Variants in LRRTM4 observed in about 807,000 individuals in gnomAD.
LRRTM4 encodes leucine rich repeat transmembrane neuronal 4, also known as leucine-rich repeat transmembrane neuronal protein 4.
A neutral mutation model predicts 47.6 loss-of-function variants in LRRTM4; 25 were observed. The ratio of observed to expected loss-of-function variants is 0.53; its 90% CI spans 0.38 to 0.73. The LOEUF (loss-of-function observed/expected upper bound fraction) is 0.73. Ranked by LOEUF, LRRTM4 falls within the 30% of genes least tolerant of loss-of-function variation. The pLI is 0.00. For synonymous variants in LRRTM4, 311 were observed against 269.5 expected (o/e 1.15, Z -1.51); for missense variants, 638 against 713.4 (o/e 0.89, Z 1.20).
chr2:76,849,490 A>G (rs1489776921), intron 3 of LRRTM4, among the ~76,000 whole-genome samples: 2 of 152,096 alleles, frequency 1.3e-5, no homozygotes, highest in Non-Finnish European at 2.9e-5. Flanking sequence ...ACAAATTGTC[A>G]AAAATAAATT....
intron 3 of LRRTM4, among the ~76,000 whole-genome samples, chr2:76,807,846 G>A (rs1670579840): frequency 6.6e-6 from 1 of 151,794 alleles, no homozygotes; most frequent in African/African-American, 2.4e-5. Flanking sequence ...CTCCCAAAGT[G>A]CTGGGATTAC....
intron 3 of LRRTM4, among the ~76,000 whole-genome samples, chr2:77,368,615 T>G (rs1357867352): frequency 2.0e-5 from 3 of 151,822 alleles, no homozygotes; most frequent in Admixed American, 6.6e-5. Context: ...TTGAAAACAT[T>G]ATTTTGCATT....
intron 3 of LRRTM4, among the ~76,000 whole-genome samples, chr2:77,091,671 C>G (rs62172164): frequency 6.9e-3 from 991 of 142,716 alleles, no homozygotes; most frequent in East Asian, 0.023. Flanking sequence ...AGCCTCTCTT[C>G]GCTTTCACTT....
rs148954154 is a variant in LRRTM4 at position 76,901,034 on chromosome 2, G to A, written c.1552-152118C>T. On this transcript the variant is annotated intron_variant, in intron 3 of 3. Coordinates refer to ENST00000409884, the MANE Select transcript of LRRTM4 (RefSeq NM_001134745.3). ...AAGCAGAAGTCCAATGAGAAAAATT[G>A]TTTTTTTAATTTGTATTTTTATTTT... Among the ~76,000 whole-genome samples, 402 of 152,128 alleles carry A rather than the reference G, an allele frequency of 2.6e-3. 5 individuals carry two copies. The highest frequency in any genetic ancestry group is 9.5e-3 in the African/African-American group (394 of 41,506).
intron 3 of LRRTM4, among the ~76,000 whole-genome samples, chr2:77,205,756 G>A (rs1452895580): frequency 6.6e-6 from 1 of 152,156 alleles, no homozygotes; most frequent in Non-Finnish European, 1.5e-5. Flanking sequence ...TGAGGAGAAT[G>A]TACCCATTAT....
chr2:77,188,582 T>G (rs1317232553), intron 3 of LRRTM4, among the ~76,000 whole-genome samples: 7 of 152,278 alleles, frequency 4.6e-5, no homozygotes, highest in African/African-American at 1.7e-4. Context: ...GCATCTTCCT[T>G]TAGATGCTTC....
chr2:77,333,114 C>T (rs1035487591), intron 3 of LRRTM4, among the ~76,000 whole-genome samples: 1 of 152,182 alleles, frequency 6.6e-6, no homozygotes, highest in Non-Finnish European at 1.5e-5. Context: ...TGCCTTTCAC[C>T]TTCTGCCATT....
At chr2:76,999,481 A>G (rs545097489) in intron 3 of LRRTM4, among the ~76,000 whole-genome samples, 2 of 152,140 alleles carry the variant, frequency 1.3e-5, no homozygotes, top group South Asian at 2.1e-4. Context: ...GGAGTTTGCA[A>G]ATGATCATGT....
At position 77,018,945 on chromosome 2, in the gene LRRTM4, T is replaced by A. The variant is rs572259587; in HGVS notation, c.1552-270029A>T. Among the ~76,000 whole-genome samples, 3 of 152,254 alleles carry A rather than the reference T, an allele frequency of 2.0e-5. No individual in the cohort carries two copies. The East Asian group carries it at 5.8e-4, about 29-fold the overall frequency. On this transcript the variant is annotated intron_variant, in intron 3 of 3. Transcript: ENST00000409884. ...TAATGCATAATTTCATTAAATATTT[T>A]AAATTCTGATTATTTTCATTTAGCC...
At chr2:76,801,657 A>C (rs1407975974) in intron 3 of LRRTM4, among the ~76,000 whole-genome samples, 1 of 151,912 alleles carries the variant, frequency 6.6e-6, no homozygotes, top group African/African-American at 2.4e-5. Flanking sequence ...TAAAACTTAA[A>C]GTATAATAAA....
rs184369047 is a variant in LRRTM4, at chr2:77,209,590, T to C, written c.1551+308728A>G. Reference sequence around the variant, plus strand: ...ATGTTACAATTCAAATAAAAATTCATTTGTTGGAACACTCACACATGTTGT... The same window carrying C: ...ATGTTACAATTCAAATAAAAATTCACTTGTTGGAACACTCACACATGTTGT... On this transcript the variant is annotated intron_variant, in intron 3 of 3. Transcript: ENST00000409884. Among the ~76,000 whole-genome samples, 398 of 152,328 alleles carry C rather than the reference T, an allele frequency of 2.6e-3. 5 individuals carry two copies. Among genetic ancestry groups the C allele is most frequent in the Middle Eastern group, 6.8e-3 (2 of 294 alleles).
intron 3 of LRRTM4, among the ~76,000 whole-genome samples, chr2:76,943,428 C>G (rs1337985017): frequency 6.6e-6 from 1 of 152,064 alleles, no homozygotes; most frequent in Non-Finnish European, 1.5e-5. Context: ...AAGCAAAACT[C>G]CGTCTCAAAA....
chr2:77,164,434 G>T (rs998233820), intron 3 of LRRTM4, among the ~76,000 whole-genome samples: 2 of 152,156 alleles, frequency 1.3e-5, no homozygotes, highest in African/African-American at 4.8e-5. Flanking sequence ...CCCAGGAATT[G>T]AATTCAGCTC....
chr2:77,426,876 T>C (rs1368447375), intron 3 of LRRTM4, among the ~76,000 whole-genome samples: 2 of 151,194 alleles, frequency 1.3e-5, no homozygotes, highest in Non-Finnish European at 2.9e-5. Flanking sequence ...GAAAGAGAGA[T>C]AAAGAAATCT....
chr2:76,816,413 C>T (rs749894945), intron 3 of LRRTM4, among the ~76,000 whole-genome samples: 17 of 151,840 alleles, frequency 1.1e-4, no homozygotes, highest in African/African-American at 1.7e-4. Context: ...ATCTACTCAA[C>T]GGAACTGAAA....
chr2:76,787,215 G>A (rs1283984323), intron 3 of LRRTM4, among the ~76,000 whole-genome samples: 2 of 152,000 alleles, frequency 1.3e-5, no homozygotes, highest in Non-Finnish European at 2.9e-5. Context: ...AATGATCTGG[G>A]AAACATGTTG....
At chr2:77,026,729 C>T (rs899428066) in intron 3 of LRRTM4, among the ~76,000 whole-genome samples, 1 of 151,960 alleles carries the variant, frequency 6.6e-6, no homozygotes, top group Non-Finnish European at 1.5e-5. Context: ...CATATACAAA[C>T]ATATATTCAC....
intron 3 of LRRTM4, among the ~76,000 whole-genome samples, chr2:76,865,335 C>G (rs78705551): frequency 5.7e-4 from 87 of 152,014 alleles, no homozygotes; most frequent in Non-Finnish European, 8.8e-5. Context: ...TTTGGATGCT[C>G]TCAGGTAGTG....
intron 3 of LRRTM4, among the ~76,000 whole-genome samples, chr2:77,510,828 T>C (rs1027485605): frequency 6.6e-6 from 1 of 152,066 alleles, no homozygotes; most frequent in African/African-American, 2.4e-5. Flanking sequence ...AAAATGTAGG[T>C]AAAAGTAAAA....
Sources: gnomAD v4.1 joint callset for allele counts (sites outside exome capture counted in the v4.1 genomes callset) on GRCh38, gnomAD v4.1.1 for gene constraint, MANE v1.5 for transcripts, NCBI Gene and HGNC (gene_info 2026-07-23, HGNC 2026-07-21) for gene names.